The following CHRNB4 variants were observed in gnomAD, a reference collection of about 807,000 sequenced individuals.
CHRNB4 encodes cholinergic receptor nicotinic beta 4 subunit.
CHRNB4 carries 23 observed loss-of-function variants against 40.4 expected under a neutral mutation model. The observed-to-expected ratio is 0.57, with a 90% CI of 0.41 to 0.81. The LOEUF is 0.81. Ranked by LOEUF, CHRNB4 falls within the 30% of genes least tolerant of loss-of-function variation. The pLI, the probability that CHRNB4 is intolerant of heterozygous loss-of-function variation, is 0.00. For missense variants in CHRNB4, 568 were observed against 670.6 expected (o/e 0.85, Z 1.69); for synonymous variants, 285 against 274.4 (o/e 1.04, Z -0.38).
chr15:78,635,320 G>A (rs72648899), intron 2 of CHRNB4, 119 bp downstream of exon 2: 36 of 1,248,952 alleles, frequency 2.9e-5, no homozygotes, highest in Non-Finnish European at 3.7e-5. Flanking sequence ...TCCCTGACAC[G>A]TACTGGTAAG....
intron 5 of CHRNB4, among the ~76,000 whole-genome samples, chr15:78,654,886 A>G (rs757293536): frequency 2.0e-5 from 3 of 152,022 alleles, no homozygotes; most frequent in Admixed American, 6.6e-5. Context: ...CACCCTCCCA[A>G]ATGGAGCCAC....
intron 7 of CHRNB4, among the ~76,000 whole-genome samples, chr15:78,648,627 G>A (rs1295181204): frequency 6.7e-6 from 1 of 150,258 alleles, no homozygotes; most frequent in Admixed American, 6.6e-5. Context: ...GGTGGCAGAT[G>A]CCTGTAATCC....
rs1287395058 is a variant in CHRNB4, at chr15:78,629,172, C to T, written c.1133G>A (p.Ser378Asn). 6.2e-7 allele frequency: 1 copy of T among 1,613,896 alleles called. No homozygotes were observed. The highest frequency in any genetic ancestry group is 8.5e-7 in the Non-Finnish European group (1 of 1,179,984). The change falls in exon 5 of 6, where the codon AGC becomes AAC. Residue 378 changes from serine to asparagine, a missense_variant. By Grantham distance (46) the Ser-to-Asn change is conservative (BLOSUM62 1). Transcript: ENST00000261751. The surrounding 1 kb of genome is among the most constrained non-coding windows in gnomAD (Gnocchi z 6.8). ...GGAGTTCCCATAGAAGTTGGAGGGG[C>T]TGGTGGAGGTGGCGGTGGCCTCGGG... ...TKPEATATST[S>N]PSNFYGNSMY...
upstream of CHRNB4, among the ~76,000 whole-genome samples, chr15:78,643,486 G>C (rs575184820): frequency 2.0e-5 from 3 of 152,290 alleles, no homozygotes; most frequent in East Asian, 5.8e-4. Context: ...ATCAAAGTTA[G>C]GACGTAAACA....
intron 6 of CHRNB4, chr15:78,649,519 C>T (rs2054154232): frequency 2.5e-6 from 1 of 400,334 alleles, no homozygotes; most frequent in African/African-American, 2.1e-5. Context: ...AAGACTGCAA[C>T]AGAGACCATA....
intron 2 of CHRNB4, among the ~76,000 whole-genome samples, 164 bp downstream of exon 2, chr15:78,635,275 G>T (rs2141384945): frequency 6.6e-6 from 1 of 152,228 alleles, no homozygotes. Context: ...ATTAAATATT[G>T]GACACCTATG....
chr15:78,645,577 AG>A (rs1283664432), upstream of CHRNB4, among the ~76,000 whole-genome samples: 1 of 151,642 alleles, frequency 6.6e-6, no homozygotes, highest in African/African-American at 2.4e-5. Context: ...AGTGAGATTG[AG>A]CCCCAGTTAC....
intron 1 of CHRNB4, among the ~76,000 whole-genome samples, chr15:78,637,182 C>A (rs2053970012): frequency 6.6e-6 from 1 of 152,198 alleles, no homozygotes; most frequent in Non-Finnish European, 1.5e-5. Flanking sequence ...CCCCCCTGAC[C>A]TTCCATAGCC....
At chr15:78,642,754 C>T (rs2054092123), upstream of CHRNB4, among the ~76,000 whole-genome samples, 1 of 152,130 alleles carries the variant, frequency 6.6e-6, no homozygotes, top group Non-Finnish European at 1.5e-5. Context: ...AAAAGAAGAG[C>T]TAATTATCTA....
chr15:78,641,214 C>A, upstream of CHRNB4: 3 of 1,300,732 alleles, frequency 2.3e-6, no homozygotes, highest in South Asian at 1.7e-5. Context: ...GTCGAGTGAG[C>A]GCCGGTCCTG....
intron 6 of CHRNB4, among the ~76,000 whole-genome samples, chr15:78,651,861 T>C (rs1396684931): frequency 1.3e-5 from 2 of 152,174 alleles, no homozygotes; most frequent in Non-Finnish European, 2.9e-5. Flanking sequence ...AGCAGAACTT[T>C]TCTTGAAAAG....
At position 78,633,015 on chromosome 15, in the gene CHRNB4, T is replaced by G. The variant is rs567406580; in HGVS notation, c.205-1683A>C. On this transcript the variant is annotated intron_variant, in intron 2 of 5. Coordinates refer to ENST00000261751, the MANE Select transcript of CHRNB4 (RefSeq NM_000750.5). ...TTCACCTACAGAATAAAAATCTTGC[T>G]CCTTCGCAGGGTCTACGGGGCCTTG... 8.5e-5 allele frequency among the ~76,000 whole-genome samples: 13 copies of G among 152,368 alleles called. No individual in the cohort carries two copies. In the East Asian group the frequency reaches 1.7e-3, roughly 20 times the overall value.
chr15:78,629,548 C>T lies in CHRNB4; in HGVS notation c.757G>A (p.Val253Ile), dbSNP rs776652908. 54 of 1,613,892 alleles carry T rather than the reference C, an allele frequency of 3.3e-5. No homozygotes were observed. The highest frequency in any genetic ancestry group is 1.6e-4 in the Middle Eastern group (1 of 6,084). ...CVLTTLLAIL[V>I]FYLPSDCGEK... is the part of the protein sequence containing the mutation. ...CCGCAGTCGGATGGCAGGTAGAAGA[C>T]GAGGATGGCCAGCAAGGTGGTGAGC... Residue 253 changes from valine to isoleucine, a missense_variant, in exon 5 of 6, where the codon GTC (valine) becomes ATC (isoleucine). Transcript: ENST00000261751. The surrounding 1 kb of genome is among the most constrained non-coding windows in gnomAD (Gnocchi z 6.8).
At chr15:78,627,484 T>C (rs2141362526) in intron 5 of CHRNB4, 2 of 152,362 alleles carry the variant, frequency 1.3e-5, no homozygotes, top group South Asian at 4.1e-4. Flanking sequence ...GGGCTGTTCC[T>C]GCTCTTTTCT....
At position 78,631,166 on chromosome 15, in the gene CHRNB4, A is replaced by C; in HGVS notation, c.269T>G (p.Leu90Arg). Residue 90 changes from leucine to arginine, a missense_variant, in exon 4 of 6, where the codon CTG becomes CGG. By Grantham distance (102) the Leu-to-Arg change is moderately radical (BLOSUM62 -2). Around this residue, in one of 4 missense-constraint regions of CHRNB4, gnomAD observed 161 missense variants for 148.1 expected, o/e 1.09. Coordinates refer to ENST00000261751, the MANE Select transcript of CHRNB4 (RefSeq NM_000750.5). Reference sequence around the variant, plus strand: ...CTCGTAGCGGGAGCTGTTCCAGGTCAGGCGGTAATCAGTCCATTCCTGGAC... The same window carrying C: ...CTCGTAGCGGGAGCTGTTCCAGGTCCGGCGGTAATCAGTCCATTCCTGGAC... ...WLKQEWTDYRLTWNSSRYEGV... is the reference protein window; with the variant it reads ...WLKQEWTDYRRTWNSSRYEGV... The C allele has an allele frequency of 6.2e-7, 1 of 1,614,218 alleles. No individual in the cohort carries two copies. Among genetic ancestry groups the C allele is most frequent in the Non-Finnish European group, 8.5e-7 (1 of 1,180,030 alleles).
Position 78,631,314 on chromosome 15 carries a change from T to C in CHRNB4, c.223A>G (p.Met75Val), listed in dbSNP as rs1027117404. Residue 75 changes from methionine to valine, a missense_variant, in exon 3 of 6, where the codon ATG becomes GTG. By Grantham distance (21) the Met-to-Val change is conservative. Coordinates refer to ENST00000261751, the MANE Select transcript of CHRNB4 (RefSeq NM_000750.5). ...TGTTTCAGCCAGACATTGGTGGTCA[T>C]GATCTGCTCTCGCTCATTCTGGGGA... ...LISVNEREQIMTTNVWLKQEW... is the reference protein window; with the variant it reads ...LISVNEREQIVTTNVWLKQEW... The C allele has an allele frequency of 5.0e-6, 8 of 1,613,938 alleles. No individual in the cohort carries two copies. The highest frequency in any genetic ancestry group is 6.8e-6 in the Non-Finnish European group (8 of 1,180,024).
chr15:78,644,096 G>C (rs1020622193), upstream of CHRNB4, among the ~76,000 whole-genome samples: 5 of 151,562 alleles, frequency 3.3e-5, no homozygotes, highest in South Asian at 2.1e-4. Flanking sequence ...CCAGGAGGCA[G>C]AGCTTGCAGT....
chr15:78,627,707 C>G (rs2141362960), intron 5 of CHRNB4: 1 of 152,328 alleles, frequency 6.6e-6, no homozygotes, highest in Non-Finnish European at 1.5e-5. Context: ...GCTCTCCCTC[C>G]TGGTATGGAA....
chr15:78,633,443 A>G (rs1186222011), intron 2 of CHRNB4, among the ~76,000 whole-genome samples: 1 of 152,224 alleles, frequency 6.6e-6, no homozygotes, highest in Non-Finnish European at 1.5e-5. Context: ...GAATGGATCA[A>G]AATAACTGTT....
Sources: gnomAD v4.1 joint callset for allele counts (sites outside exome capture counted in the v4.1 genomes callset) on GRCh38, gnomAD v4.1.1 for gene constraint, gnomAD v4.1.1 regional missense constraint, Gnocchi (gnomAD v3.1) non-coding constraint, MANE v1.5 for transcripts, NCBI Gene and HGNC (gene_info 2026-07-23, HGNC 2026-07-21) for gene names.